SEL1L3: variants seen among roughly 807,000 people sequenced by gnomAD.
The protein encoded by SEL1L3 is protein sel-1 homolog 3.
Under a neutral mutation model 142.8 loss-of-function variants are expected in SEL1L3, and 76 were observed. The ratio of observed to expected loss-of-function variants is 0.53; its 90% CI spans 0.44 to 0.64. SEL1L3 has a LOEUF of 0.64. Among genes scored for constraint, SEL1L3 ranks in the 30% least tolerant of loss-of-function variants. The probability of loss-of-function intolerance (pLI) is 0.00; values close to 1 mark genes in which losing one functional copy is unlikely to be tolerated. For synonymous variants in SEL1L3, 504 were observed against 519.6 expected (o/e 0.97, Z 0.41); for missense variants, 1,262 against 1,381.7 (o/e 0.91, Z 1.37).
At chr4:25,833,607 T>C in intron 3 of SEL1L3, 38 bp from the exon 4 acceptor site, 2 of 1,568,344 alleles carry the variant, frequency 1.3e-6, no homozygotes, top group South Asian at 2.4e-5. Flanking sequence ...TGCAGATTGA[T>C]ATCATCCAAG....
chr4:25,787,308 C>A (rs577106004), intron 13 of SEL1L3, among the ~76,000 whole-genome samples: 2 of 152,304 alleles, frequency 1.3e-5, no homozygotes, highest in East Asian at 3.9e-4. Context: ...ACCACTCAAT[C>A]AGTGTGAACT....
intron 15 of SEL1L3, among the ~76,000 whole-genome samples, chr4:25,780,665 T>G (rs1208780965): frequency 6.6e-6 from 1 of 150,560 alleles, no homozygotes; most frequent in Non-Finnish European, 1.5e-5. Flanking sequence ...TTCCCTGGTT[T>G]CCCTTATAAA....
At chr4:25,802,211 A>G in intron 11 of SEL1L3, 72 bp downstream of exon 11, 1 of 1,408,998 alleles carries the variant, frequency 7.1e-7, no homozygotes, top group Admixed American at 2.2e-5. Context: ...AAAAGCAACC[A>G]CAGGGGCAGA....
At chr4:25,735,888 G>A in the SEL1L3 span, among the ~76,000 whole-genome samples, 1 of 139,928 alleles carries the variant, frequency 7.1e-6, no homozygotes. Context: ...GGAGTGCAGT[G>A]ACCCGATCTC....
chr4:25,812,772 G>A (rs1384505271), intron 9 of SEL1L3, among the ~76,000 whole-genome samples: 2 of 151,218 alleles, frequency 1.3e-5, no homozygotes, highest in East Asian at 3.9e-4. Context: ...CAGCACTTTG[G>A]GAGGCTGAGG....
At chr4:25,725,406 C>G in the SEL1L3 span, among the ~76,000 whole-genome samples, 1 of 151,468 alleles carries the variant, frequency 6.6e-6, no homozygotes, top group African/African-American at 2.4e-5. Flanking sequence ...GTCTCGGCCT[C>G]CCGGGATCAA....
intron 23 of SEL1L3, among the ~76,000 whole-genome samples, chr4:25,755,260 T>G (rs1717875468): frequency 6.6e-6 from 1 of 150,422 alleles, no homozygotes; most frequent in South Asian, 2.1e-4. Flanking sequence ...ATTTTTATTT[T>G]ATTTTATTTT....
At chr4:25,793,292 C>G (rs1354014965) in intron 11 of SEL1L3, among the ~76,000 whole-genome samples, 1 of 151,904 alleles carries the variant, frequency 6.6e-6, no homozygotes, top group Non-Finnish European at 1.5e-5. Context: ...CATGTTTGTC[C>G]TTTTTTCTGA....
intron 12 of SEL1L3, among the ~76,000 whole-genome samples, 155 bp downstream of exon 12, chr4:25,790,300 G>C (rs1712201442): frequency 6.6e-6 from 1 of 152,138 alleles, no homozygotes; most frequent in African/African-American, 2.4e-5. Flanking sequence ...GACAACTATG[G>C]CCTGCCCCTG....
chr4:25,825,284 A>G (rs1715017995), intron 6 of SEL1L3, among the ~76,000 whole-genome samples: 1 of 152,204 alleles, frequency 6.6e-6, no homozygotes, highest in African/African-American at 2.4e-5. Flanking sequence ...TTTCTCCCGC[A>G]AAATTCTCAG....
intron 2 of SEL1L3, among the ~76,000 whole-genome samples, chr4:25,840,634 G>A (rs908582094): frequency 6.6e-6 from 1 of 152,174 alleles, no homozygotes; most frequent in African/African-American, 2.4e-5. Context: ...GGGCATTTAA[G>A]AACCTTCCAA....
chr4:25,862,716 C>A lies in SEL1L3; in HGVS notation c.121G>T (p.Gly41Cys). 3.9e-6 allele frequency: 5 copies of A among 1,296,366 alleles called. No individual in the cohort carries two copies. Among genetic ancestry groups the A allele is most frequent in the Non-Finnish European group, 4.9e-6 (5 of 1,019,752 alleles). 80.3% of individuals were successfully genotyped at this position (1,296,366 alleles called of 1,614,324 possible). The change falls in exon 1 of 24, where the codon GGC becomes TGC. Residue 41 changes from glycine (G) to cysteine (C), a missense_variant. Around this residue, in one of 3 missense-constraint regions of SEL1L3, gnomAD observed 689 missense variants for 692.8 expected, o/e 0.99. Transcript: ENST00000399878. The part of the protein sequence containing the change: ...VPSGGVPQGL[G>C]GRSACALLLL... ...AGCAGCGCGCAGGCAGAGCGGCCGC[C>A]GAGGCCCTGGGGGACGCCGCCACTC...
chr4:25,729,031 G>T, the SEL1L3 span, among the ~76,000 whole-genome samples: 1 of 145,724 alleles, frequency 6.9e-6, no homozygotes, highest in African/African-American at 2.7e-5. Context: ...ACTGTCACCA[G>T]ACGTTTTTTT....
intron 1 of SEL1L3, among the ~76,000 whole-genome samples, chr4:25,859,836 T>A (rs1260750033): frequency 2.6e-5 from 4 of 152,246 alleles, no homozygotes; most frequent in Non-Finnish European, 5.9e-5. Flanking sequence ...CACTTTAACA[T>A]CCTGCTTCTA....
At position 25,748,151 on chromosome 4, in the gene SEL1L3, T is replaced by C; in HGVS notation, c.*274A>G. On this transcript the variant is annotated 3_prime_UTR_variant, in exon 24 of 24. Coordinates refer to ENST00000399878, the MANE Select transcript of SEL1L3 (RefSeq NM_015187.5). ...TATGACTCCTAATACATACAATCAC[T>C]AGAACAAAAGTCTGTGATGGCCCAG... 1 of 434,816 alleles carries C rather than the reference T, an allele frequency of 2.3e-6. No individual in the cohort carries two copies. Among genetic ancestry groups the C allele is most frequent in the Non-Finnish European group, 4.2e-6 (1 of 238,596 alleles). 26.9% of individuals were successfully genotyped at this position (434,816 alleles called of 1,614,324 possible).
At chr4:25,751,300 G>A (rs988071336) in intron 23 of SEL1L3, among the ~76,000 whole-genome samples, 1 of 152,132 alleles carries the variant, frequency 6.6e-6, no homozygotes, top group Non-Finnish European at 1.5e-5. Context: ...GGAGTCCTTG[G>A]GTTGTACCCA....
In SEL1L3 at chr4:25,851,757, C is replaced by T. The variant is rs369518653; in HGVS notation, c.163-3893G>A. The stretch of plus-strand genomic sequence containing the variant: ...TACAAATATTAACCGGGCGTGGTGG[C>T]ACATGTCTGTAGTCCCAGCTACTGG... On this transcript the variant is annotated intron_variant, in intron 1 of 23. Transcript: ENST00000399878. Among the ~76,000 whole-genome samples the T allele has an allele frequency of 9.1e-4, 139 of 151,986 alleles. 3 individuals are homozygous for T. The South Asian group carries it at 0.029, about 31-fold the overall frequency.
chr4:25,718,092 A>G, the SEL1L3 span: 2 of 152,134 alleles, frequency 1.3e-5, no homozygotes, highest in African/African-American at 2.4e-5. Context: ...TGCAAACCCT[A>G]TAATAATTTT....
At chr4:25,845,320 C>A (rs1019060504) in intron 2 of SEL1L3, among the ~76,000 whole-genome samples, 34 of 152,088 alleles carry the variant, frequency 2.2e-4, no homozygotes, top group Non-Finnish European at 4.6e-4. Flanking sequence ...CATAGGAAGA[C>A]CCCATCTCTA....
Sources: gnomAD v4.1 joint callset for allele counts (sites outside exome capture counted in the v4.1 genomes callset) on GRCh38, gnomAD v4.1.1 for gene constraint, gnomAD v4.1.1 regional missense constraint, MANE v1.5 for transcripts, NCBI Gene and HGNC (gene_info 2026-07-23, HGNC 2026-07-21) for gene names.